RANBP2: variants seen among roughly 807,000 people sequenced by gnomAD.
RANBP2 encodes RAN binding protein 2, also known as E3 SUMO-protein ligase RanBP2.
In RANBP2, 57 loss-of-function variants were observed where a neutral mutation model predicts 303.6. The ratio of observed to expected loss-of-function variants is 0.19; its 90% CI spans 0.15 to 0.23. The LOEUF is 0.23. Among genes scored for constraint, RANBP2 ranks in the 10% least tolerant of loss-of-function variants. RANBP2 has a pLI of 1.00. For missense variants in RANBP2, 3,138 were observed against 3,780.8 expected, an observed-to-expected ratio of 0.83 and a Z score of 4.46; for synonymous variants, 1,167 against 1,301.5, an observed-to-expected ratio of 0.90 and a Z score of 2.23.
chr2:109,547,369 G>GTTTTTT, the RANBP2 span, among the ~76,000 whole-genome samples: 1 of 117,872 alleles, frequency 8.5e-6, no homozygotes, highest in Non-Finnish European at 1.8e-5. Flanking sequence ...TAATAAACTT[G>GTTTTTT]TTTTTTTTTT....
At chr2:109,590,023 CACACACATATAT>C in the RANBP2 span, among the ~76,000 whole-genome samples, 2 of 149,164 alleles carry the variant, frequency 1.3e-5, no homozygotes, top group East Asian at 2.0e-4. Context: ...TATATATATA[CACACACATATAT>C]ACACACATAT....
At chr2:109,572,590 C>A in the RANBP2 span, among the ~76,000 whole-genome samples, 2 of 148,160 alleles carry the variant, frequency 1.3e-5, no homozygotes, top group Non-Finnish European at 3.0e-5. Context: ...AGGTAGACTT[C>A]AGCTAACTTT....
chr2:109,625,760 C>T, the RANBP2 span, among the ~76,000 whole-genome samples: 1 of 152,024 alleles, frequency 6.6e-6, no homozygotes, highest in Non-Finnish European at 1.5e-5. Flanking sequence ...GAAAGAAAAG[C>T]GAATTGCAGA....
chr2:109,300,731 C>T, the RANBP2 span, among the ~76,000 whole-genome samples: 2 of 152,240 alleles, frequency 1.3e-5, no homozygotes, highest in African/African-American at 4.8e-5. Context: ...GCACACTCTT[C>T]AGAGCCCACC....
the RANBP2 span, among the ~76,000 whole-genome samples, chr2:109,608,354 A>G: frequency 6.6e-6 from 1 of 152,202 alleles, no homozygotes; most frequent in Non-Finnish European, 1.5e-5. Context: ...AACTCTTTCT[A>G]TGTAACACGC....
At chr2:109,184,780 G>A in the RANBP2 span, among the ~76,000 whole-genome samples, 10 of 152,220 alleles carry the variant, frequency 6.6e-5, no homozygotes, top group Non-Finnish European at 1.5e-4. Context: ...AGAGTTCAGG[G>A]AGTTGTGCCA....
the RANBP2 span, among the ~76,000 whole-genome samples, chr2:108,861,058 A>G: frequency 7.0e-6 from 1 of 143,866 alleles, no homozygotes. Flanking sequence ...GGGAGATTGT[A>G]TATTTCTGGG....
At chr2:108,786,804 G>T (rs750576817), downstream of RANBP2, 35 of 1,576,380 alleles carry the variant, frequency 2.2e-5, no homozygotes, top group Non-Finnish European at 3.0e-5. Flanking sequence ...CGGGGAGACT[G>T]GTACGGTTGC....
chr2:109,314,269 A>G, the RANBP2 span, among the ~76,000 whole-genome samples: 2 of 152,214 alleles, frequency 1.3e-5, no homozygotes, highest in African/African-American at 4.8e-5. Flanking sequence ...GGCTTGGCAT[A>G]TGTTTTAGGA....
chr2:109,242,947 G>A, the RANBP2 span, among the ~76,000 whole-genome samples: 4 of 152,256 alleles, frequency 2.6e-5, no homozygotes, highest in African/African-American at 9.6e-5. Flanking sequence ...AAGGACTCTT[G>A]TCCTCTGTGT....
chr2:109,473,550 A>G, the RANBP2 span, among the ~76,000 whole-genome samples: 2 of 152,222 alleles, frequency 1.3e-5, no homozygotes, highest in African/African-American at 4.8e-5. Context: ...AGGAGAGAGA[A>G]ATAAACCCTC....
chr2:109,076,181 G>C, the RANBP2 span, among the ~76,000 whole-genome samples: 1 of 149,216 alleles, frequency 6.7e-6, no homozygotes, highest in African/African-American at 2.4e-5. Flanking sequence ...CAGAATGAAA[G>C]ATTAAAAAAA....
At chr2:109,650,550 T>A in the RANBP2 span, among the ~76,000 whole-genome samples, 1 of 152,146 alleles carries the variant, frequency 6.6e-6, no homozygotes, top group Admixed American at 6.5e-5. Flanking sequence ...GGACCACTGA[T>A]GTGGTTTGAC....
At chr2:109,180,346 T>A in the RANBP2 span, among the ~76,000 whole-genome samples, 1 of 152,162 alleles carries the variant, frequency 6.6e-6, no homozygotes, top group South Asian at 2.1e-4. Flanking sequence ...CCTGATTCCA[T>A]TTCCCAAAAG....
chr2:109,365,161 A>G, the RANBP2 span, among the ~76,000 whole-genome samples: 3 of 152,320 alleles, frequency 2.0e-5, no homozygotes, highest in Non-Finnish European at 4.4e-5. Flanking sequence ...GGCATGTTTC[A>G]CAGTGGTTCC....
the RANBP2 span, chr2:109,585,637 G>A: frequency 4.4e-6 from 4 of 915,840 alleles, no homozygotes; most frequent in East Asian, 2.4e-5. Context: ...TTGATAACAT[G>A]AGCATTGTTC....
chr2:109,322,184 C>T, the RANBP2 span, among the ~76,000 whole-genome samples: 2,399 of 152,236 alleles, frequency 0.016, 27 homozygotes, highest in Non-Finnish European at 0.021. Context: ...GGAGACTCAG[C>T]GCCCCTTCAA....
chr2:108,768,506 C>A (rs1677271795), intron 20 of RANBP2, 118 bp downstream of exon 20: 10 of 1,570,444 alleles, frequency 6.4e-6, no homozygotes, highest in Non-Finnish European at 7.7e-6. Context: ...TGAACACCCC[C>A]AAAATATTTG....
chr2:109,010,594 G>T, the RANBP2 span, among the ~76,000 whole-genome samples: 1 of 152,248 alleles, frequency 6.6e-6, no homozygotes, highest in Non-Finnish European at 1.5e-5. Context: ...TTCACGTGGT[G>T]GCGAGAGGGA....
Sources: gnomAD v4.1 joint callset for allele counts (sites outside exome capture counted in the v4.1 genomes callset) on GRCh38, gnomAD v4.1.1 for gene constraint, MANE v1.5 for transcripts, NCBI Gene and HGNC (gene_info 2026-07-23, HGNC 2026-07-21) for gene names.